Variants in DNAH14 observed in about 807,000 individuals in gnomAD.
DNAH14 encodes the protein dynein axonemal heavy chain 14.
Under a neutral mutation model 520.9 loss-of-function variants are expected in DNAH14, and 478 were observed. The observed-to-expected ratio is 0.92, with a 90% CI of 0.85 to 0.99. The LOEUF (loss-of-function observed/expected upper bound fraction) is 0.99. Among genes scored for constraint, DNAH14 ranks in the 50% least tolerant of loss-of-function variants. DNAH14 has a pLI of 0.00. For synonymous variants in DNAH14, 1,581 were observed against 1,757.2 expected (o/e 0.90, Z 2.51); for missense variants, 4,831 against 5,234.5 (o/e 0.92, Z 2.38).
intron 21 of DNAH14, among the ~76,000 whole-genome samples, chr1:225,090,011 G>A (rs1029231911): frequency 2.0e-5 from 3 of 152,012 alleles, no homozygotes; most frequent in African/African-American, 7.2e-5. Flanking sequence ...AAAAGAAGAA[G>A]TAAAATATCA....
chr1:225,080,242 A>G, intron 18 of DNAH14, 137 bp from the exon 19 acceptor site: 1 of 891,516 alleles, frequency 1.1e-6, no homozygotes, highest in Non-Finnish European at 1.6e-6. Flanking sequence ...TCTGGGCCAA[A>G]TGGTAATGAT....
intron 1 of DNAH14, among the ~76,000 whole-genome samples, chr1:224,931,223 A>G (rs571470053): frequency 6.6e-6 from 1 of 152,348 alleles, no homozygotes; most frequent in East Asian, 1.9e-4. Context: ...ATAAGGATAT[A>G]AAGGAAATAT....
chr1:225,223,203 C>T (rs1005033131), intron 41 of DNAH14, among the ~76,000 whole-genome samples: 2 of 152,078 alleles, frequency 1.3e-5, no homozygotes, highest in Admixed American at 6.6e-5. Flanking sequence ...TTAGCCTGCC[C>T]GGTAATGCAA....
chr1:224,975,852 T>C (rs1387726473), intron 8 of DNAH14, among the ~76,000 whole-genome samples: 1 of 152,018 alleles, frequency 6.6e-6, no homozygotes, highest in Non-Finnish European at 1.5e-5. Context: ...CTGCTTTCTC[T>C]TGTGGGCATT....
chr1:225,349,300 T>C (rs1282979570), intron 71 of DNAH14, among the ~76,000 whole-genome samples: 3 of 152,082 alleles, frequency 2.0e-5, no homozygotes, highest in Non-Finnish European at 4.4e-5. Flanking sequence ...AGAAAATATC[T>C]ATAGAATATG....
At position 225,146,966 on chromosome 1, in the gene DNAH14, A is replaced by C. The variant is rs564115711; in HGVS notation, c.4795-138A>C. On this transcript the variant is annotated intron_variant, in intron 30 of 85. Coordinates refer to ENST00000682510, the MANE Select transcript of DNAH14 (RefSeq NM_001367479.1). ...CAGCTGCTGCTTTCAACCCTATAAA[A>C]ATGCCTAGGAGGGGGAAATGCAAAA... The C allele has an allele frequency of 8.0e-6, 5 of 627,006 alleles. No homozygotes were observed. In the South Asian group the frequency reaches 1.3e-4, roughly 16 times the overall value. The allele number at this position is 627,006 out of a possible 1,614,324, so 38.8% of individuals were successfully genotyped here. A position where few individuals can be genotyped will look rare whatever the true frequency, so the allele number is the denominator to read the frequency against.
chr1:225,029,645 T>C (rs2066388268), intron 11 of DNAH14, among the ~76,000 whole-genome samples: 1 of 151,910 alleles, frequency 6.6e-6, no homozygotes, highest in Non-Finnish European at 1.5e-5. Context: ...AGAAGAAGTT[T>C]GGGGTATTGT....
intron 73 of DNAH14, among the ~76,000 whole-genome samples, chr1:225,357,188 G>C (rs975090571): frequency 2.0e-5 from 3 of 152,114 alleles, no homozygotes; most frequent in African/African-American, 7.2e-5. Flanking sequence ...GGGGATGAAA[G>C]AGGACAATGA....
chr1:225,059,672 T>G (rs1360718160), intron 17 of DNAH14, among the ~76,000 whole-genome samples: 7,105 of 145,428 alleles, frequency 0.049, no homozygotes, highest in African/African-American at 0.19. Flanking sequence ...TACCAGTTGT[T>G]CCTTTCCATG....
intron 36 of DNAH14, among the ~76,000 whole-genome samples, chr1:225,180,458 T>G (rs1282575063): frequency 1.3e-5 from 2 of 152,206 alleles, no homozygotes; most frequent in Non-Finnish European, 2.9e-5. Context: ...GGTGAGGGCC[T>G]CTGGCTGCTT....
chr1:225,269,415 A>T (rs2093238432), intron 49 of DNAH14, among the ~76,000 whole-genome samples: 1 of 152,226 alleles, frequency 6.6e-6, no homozygotes, highest in Non-Finnish European at 1.5e-5. Flanking sequence ...GGACATAGGC[A>T]TGGCCAAGGA....
At chr1:225,123,286 A>G (rs1280451959) in intron 26 of DNAH14, among the ~76,000 whole-genome samples, 2 of 152,194 alleles carry the variant, frequency 1.3e-5, no homozygotes, top group Admixed American at 1.3e-4. Flanking sequence ...TATTTTTACC[A>G]TCTCAGAAAC....
At chr1:225,249,599 T>C (rs537736829) in intron 43 of DNAH14, among the ~76,000 whole-genome samples, 1 of 152,300 alleles carries the variant, frequency 6.6e-6, no homozygotes, top group South Asian at 2.1e-4. Flanking sequence ...AGAGCTTGAA[T>C]GAGGTATATT....
At chr1:225,077,704 A>G (rs2148542229) in intron 17 of DNAH14, among the ~76,000 whole-genome samples, 1 of 152,304 alleles carries the variant, frequency 6.6e-6, no homozygotes, top group African/African-American at 2.4e-5. Context: ...CACAGTTAGT[A>G]AATACTGAGG....
intron 1 of DNAH14, among the ~76,000 whole-genome samples, chr1:224,946,566 A>G (rs541605045): frequency 2.0e-5 from 3 of 152,284 alleles, no homozygotes; most frequent in African/African-American, 7.2e-5. Context: ...TGCATTGCTC[A>G]TGCTGGGAGC....
Position 225,126,191 on chromosome 1 carries a change from G to A in DNAH14, c.4254+2577G>A, listed in dbSNP as rs187939501. ...ATTCTGAGAATTACCAAAATGTGAC[G>A]CAGAGACATGGAGTGAACACATACT... On this transcript the variant is annotated intron_variant, in intron 27 of 85. Coordinates refer to ENST00000682510, the MANE Select transcript of DNAH14 (RefSeq NM_001367479.1). Among the ~76,000 whole-genome samples the A allele has an allele frequency of 1.4e-3, 214 of 152,154 alleles. 2 individuals are homozygous for A. Among genetic ancestry groups the A allele is most frequent in the Middle Eastern group, 6.8e-3 (2 of 294 alleles).
At chr1:225,137,860 A>G (rs976236802) in intron 27 of DNAH14, among the ~76,000 whole-genome samples, 3 of 152,198 alleles carry the variant, frequency 2.0e-5, no homozygotes, top group Non-Finnish European at 4.4e-5. Context: ...ACAGCCAGCC[A>G]GGTAGAATGG....
At chr1:225,063,123 A>AC (rs1553419689) in intron 17 of DNAH14, among the ~76,000 whole-genome samples, 1 of 47,882 alleles carries the variant, frequency 2.1e-5, no homozygotes, top group Non-Finnish European at 2.0e-4. Flanking sequence ...AATGAAAGAT[A>AC]TTTAAAAAAA....
At chr1:225,388,858 C>T (rs2095871858) in intron 82 of DNAH14, among the ~76,000 whole-genome samples, 1 of 152,072 alleles carries the variant, frequency 6.6e-6, no homozygotes, top group African/African-American at 2.4e-5. Flanking sequence ...TTCACTGCAA[C>T]CTCCACCTTC....
Sources: allele counts gnomAD v4.1 joint callset (sites outside exome capture counted in the v4.1 genomes callset), GRCh38; gene constraint gnomAD v4.1.1; transcripts MANE v1.5; gene names NCBI Gene and HGNC (gene_info 2026-07-23, HGNC 2026-07-21).